The following ARHGEF10L variants were observed in gnomAD, a reference collection of about 807,000 sequenced individuals.
ARHGEF10L encodes Rho guanine nucleotide exchange factor 10 like.
ARHGEF10L carries 69 observed loss-of-function variants against 141.2 expected under a neutral mutation model. The observed-to-expected ratio is 0.49, with a 90% CI of 0.40 to 0.60. ARHGEF10L has a LOEUF of 0.60. Among genes scored for constraint, ARHGEF10L ranks in the 20% least tolerant of loss-of-function variants. The pLI, the probability that ARHGEF10L is intolerant of heterozygous loss-of-function variation, is 0.00. For synonymous variants in ARHGEF10L, 711 were observed against 718.5 expected, an observed-to-expected ratio of 0.99 and a Z score of 0.17; for missense variants, 1,482 against 1,734.3, an observed-to-expected ratio of 0.85 and a Z score of 2.58.
intron 21 of ARHGEF10L, among the ~76,000 whole-genome samples, chr1:17,645,557 G>T (rs1324106250): frequency 3.9e-5 from 6 of 152,112 alleles, no homozygotes; most frequent in African/African-American, 1.4e-4. Flanking sequence ...AGAGCTCTTG[G>T]CTGGTAGAGG....
chr1:17,648,701 C>A (rs151251405), intron 22 of ARHGEF10L, 26 bp downstream of exon 22: 1 of 1,604,502 alleles, frequency 6.2e-7, no homozygotes, highest in Non-Finnish European at 8.5e-7. Context: ...CTTGCTGAGC[C>A]GACCTCGAAG....
At chr1:17,575,998 C>A (rs1381652103) in intron 1 of ARHGEF10L, among the ~76,000 whole-genome samples, 1 of 152,198 alleles carries the variant, frequency 6.6e-6, no homozygotes, top group Non-Finnish European at 1.5e-5. Flanking sequence ...TCCCAGCAGT[C>A]CAGCTGCTGC....
chr1:17,675,174 C>T (rs71644065), intron 26 of ARHGEF10L, among the ~76,000 whole-genome samples: 21,405 of 152,174 alleles, frequency 0.14, 1,656 homozygotes, highest in Non-Finnish European at 0.16. Context: ...TCAATTCTGA[C>T]CTTTCTTGCC....
the ARHGEF10L span, among the ~76,000 whole-genome samples, chr1:17,514,689 G>A: frequency 1.3e-5 from 2 of 152,196 alleles, no homozygotes; most frequent in Non-Finnish European, 2.9e-5. Flanking sequence ...GATTTAGAAA[G>A]ATGCTATTTT....
chr1:17,549,712 T>A (rs1463054734), intron 1 of ARHGEF10L, among the ~76,000 whole-genome samples: 2 of 151,076 alleles, frequency 1.3e-5, no homozygotes, highest in East Asian at 3.9e-4. Flanking sequence ...AAGGAAACCA[T>A]CGGAGGTTTG....
intron 21 of ARHGEF10L, among the ~76,000 whole-genome samples, chr1:17,642,590 G>T (rs1178786532): frequency 6.6e-6 from 1 of 152,198 alleles, no homozygotes; most frequent in Non-Finnish European, 1.5e-5. Context: ...GGGAGGGGTT[G>T]CCTGTGGAGG....
chr1:17,540,218 T>C (rs558327559), intron 1 of ARHGEF10L, among the ~76,000 whole-genome samples: 1 of 152,048 alleles, frequency 6.6e-6, no homozygotes, highest in African/African-American at 2.4e-5. Context: ...TCAGCTTGTG[T>C]GTGTGTGTGG....
chr1:17,583,222 AAG>A (rs1491238678), intron 2 of ARHGEF10L, among the ~76,000 whole-genome samples: 1 of 150,238 alleles, frequency 6.7e-6, no homozygotes, highest in African/African-American at 2.5e-5. Flanking sequence ...AAAAAAAAAA[AAG>A]AAGGTGTAGA....
rs777793083 is a variant in ARHGEF10L, at chr1:17,648,627, C to T, written c.2346C>T (p.Ile782=). 2 of 1,613,298 alleles carry T rather than the reference C, an allele frequency of 1.2e-6. No homozygotes were observed. Among genetic ancestry groups the T allele is most frequent in the Non-Finnish European group, 8.5e-7 (1 of 1,180,032 alleles). ...KKSKAPFWCP[I]LACCIPAFSS... Reference sequence around the variant, plus strand: ...GCAAAGCCCCATTCTGGTGCCCGATCCTGGCCTGCTGCATCCCTGCCTTCT... The same window carrying T: ...GCAAAGCCCCATTCTGGTGCCCGATTCTGGCCTGCTGCATCCCTGCCTTCT... Residue 782 remains isoleucine (I), a synonymous_variant, in exon 22 of 29, where the codon ATC becomes ATT. Transcript: ENST00000361221.
chr1:17,561,897 G>T (rs1036170519), intron 1 of ARHGEF10L, among the ~76,000 whole-genome samples: 2 of 152,148 alleles, frequency 1.3e-5, no homozygotes, highest in African/African-American at 2.4e-5. Flanking sequence ...CTGCTCAATC[G>T]GGAAGGTTCC....
At chr1:17,660,361 C>T (rs1191293457) in intron 25 of ARHGEF10L, among the ~76,000 whole-genome samples, 1 of 152,158 alleles carries the variant, frequency 6.6e-6, no homozygotes. Flanking sequence ...TTTCCTTTGC[C>T]CCTCTAATCC....
rs560217420 is a variant in ARHGEF10L at position 17,682,637 on chromosome 1, T to G, written c.3010-4936T>G. ...AGACGGCTGCTCTAGTGTATAAACC[T>G]AACAGCACGGTTTCTGGTGCAGGGT... On this transcript the variant is annotated intron_variant, in intron 26 of 28. Transcript: ENST00000361221. 7.9e-5 allele frequency among the ~76,000 whole-genome samples: 12 copies of G among 152,272 alleles called. No homozygotes were observed. The South Asian group carries it at 2.5e-3, about 32-fold the overall frequency.
intron 1 of ARHGEF10L, among the ~76,000 whole-genome samples, chr1:17,567,453 G>A (rs984476654): frequency 1.3e-5 from 2 of 152,074 alleles, no homozygotes; most frequent in South Asian, 2.1e-4. Context: ...TGTAATCTTC[G>A]CCTCCCAGGT....
intron 7 of ARHGEF10L, among the ~76,000 whole-genome samples, chr1:17,609,665 G>GTC (rs966415180): frequency 2.0e-5 from 3 of 152,154 alleles, no homozygotes; most frequent in Non-Finnish European, 4.4e-5. Context: ...ATGAGCCTGT[G>GTC]TCCAGCCTGG....
At chr1:17,638,233 C>T (rs1342304246) in intron 19 of ARHGEF10L, among the ~76,000 whole-genome samples, 2 of 152,242 alleles carry the variant, frequency 1.3e-5, no homozygotes, top group African/African-American at 4.8e-5. Context: ...TGAGTGGAGC[C>T]TGGCTGTGGG....
chr1:17,601,011 C>T (rs2080601736), intron 4 of ARHGEF10L, among the ~76,000 whole-genome samples: 1 of 150,210 alleles, frequency 6.7e-6, no homozygotes, highest in Admixed American at 6.6e-5. Flanking sequence ...GATCGCACCA[C>T]CGCCCTGAAG....
chr1:17,644,784 C>T lies in ARHGEF10L; in HGVS notation c.2273-3770C>T, dbSNP rs544605628. Among the ~76,000 whole-genome samples, 33 of 152,250 alleles carry T rather than the reference C, an allele frequency of 2.2e-4. No individual in the cohort carries two copies. In the East Asian group the frequency reaches 6.0e-3, roughly 28 times the overall value. On this transcript the variant is annotated intron_variant, in intron 21 of 28. Coordinates refer to ENST00000361221, the MANE Select transcript of ARHGEF10L (RefSeq NM_018125.4). This position sits in a 1 kb window ranked among gnomAD's most constrained non-coding sequence, Gnocchi z 4.5. Reference sequence around the variant, plus strand: ...TGGGCTCAGCTGCCCTCAGTAATAGCGACAGTCAGACCATGAGCAGCGAGG... The same window carrying T: ...TGGGCTCAGCTGCCCTCAGTAATAGTGACAGTCAGACCATGAGCAGCGAGG...
intron 26 of ARHGEF10L, among the ~76,000 whole-genome samples, chr1:17,685,090 C>T (rs1179682694): frequency 2.6e-5 from 4 of 152,182 alleles, no homozygotes; most frequent in African/African-American, 9.6e-5. Context: ...TGGGAAGGAG[C>T]TGGGGCCATC....
At chr1:17,541,316 G>A (rs1313627905) in intron 1 of ARHGEF10L, among the ~76,000 whole-genome samples, 2 of 152,218 alleles carry the variant, frequency 1.3e-5, no homozygotes, top group East Asian at 1.9e-4. Context: ...TTGTGGGGGC[G>A]GGGGGCTTTT....
Sources: gnomAD v4.1 joint callset for allele counts (sites outside exome capture counted in the v4.1 genomes callset) on GRCh38, gnomAD v4.1.1 for gene constraint, Gnocchi (gnomAD v3.1) non-coding constraint, MANE v1.5 for transcripts, NCBI Gene and HGNC (gene_info 2026-07-23, HGNC 2026-07-21) for gene names.